Variants in TGFA observed in about 807,000 individuals in gnomAD.
TGFA encodes transforming growth factor alpha.
Under a neutral mutation model 21.7 loss-of-function variants are expected in TGFA, and 12 were observed. The ratio of observed to expected loss-of-function variants is 0.55; its 90% confidence interval spans 0.35 to 0.90. The LOEUF (loss-of-function observed/expected upper bound fraction) is 0.90. TGFA is among the 40% of genes least tolerant of loss of function. The probability of loss-of-function intolerance (pLI) is 0.01; values close to 1 mark genes in which losing one functional copy is unlikely to be tolerated. For synonymous variants in TGFA, 79 were observed against 88.1 expected, an observed-to-expected ratio of 0.90 and a Z score of 0.58; for missense variants, 178 against 210.8, an observed-to-expected ratio of 0.84 and a Z score of 0.96.
At chr2:70,519,964 A>C (rs1672397859) in intron 1 of TGFA, among the ~76,000 whole-genome samples, 1 of 152,204 alleles carries the variant, frequency 6.6e-6, no homozygotes, top group African/African-American at 2.4e-5. Context: ...TGGCTCTATT[A>C]TGTACCCTTG....
chr2:70,512,430 C>G (rs1158611295), intron 2 of TGFA, among the ~76,000 whole-genome samples: 1 of 152,196 alleles, frequency 6.6e-6, no homozygotes, highest in Non-Finnish European at 1.5e-5. Flanking sequence ...GAAGGTGTGG[C>G]ACTGCCTCTG....
intron 1 of TGFA, among the ~76,000 whole-genome samples, chr2:70,552,633 G>A (rs1307058538): frequency 2.0e-5 from 3 of 152,172 alleles, no homozygotes; most frequent in Non-Finnish European, 4.4e-5. Context: ...TTTAATCAGC[G>A]TTTCTAGGGC....
chr2:70,546,253 G>A (rs113032392), intron 1 of TGFA, among the ~76,000 whole-genome samples: 4 of 60,734 alleles, frequency 6.6e-5, no homozygotes, highest in Non-Finnish European at 1.1e-4. Flanking sequence ...CAAGACACTG[G>A]AACCTGCCCT....
intron 2 of TGFA, chr2:70,467,660 T>TG (rs1476036730): frequency 6.6e-6 from 1 of 151,974 alleles, no homozygotes; most frequent in Non-Finnish European, 1.5e-5. Context: ...TTAGTTTTTT[T>TG]GGGGAAAAAA....
At chr2:70,478,390 AACT>A (rs1671001403) in intron 2 of TGFA, among the ~76,000 whole-genome samples, 1 of 152,202 alleles carries the variant, frequency 6.6e-6, no homozygotes, top group Admixed American at 6.5e-5. Flanking sequence ...ACAGCATGGT[AACT>A]ACTATAACAT....
intron 4 of TGFA, among the ~76,000 whole-genome samples, 185 bp downstream of exon 4, chr2:70,456,154 T>C (rs561329741): frequency 6.6e-6 from 1 of 152,222 alleles, no homozygotes; most frequent in Non-Finnish European, 1.5e-5. Context: ...TGCATGAGGC[T>C]TTCATGCAGC....
At chr2:70,533,563 T>C (rs927250174) in intron 1 of TGFA, among the ~76,000 whole-genome samples, 7 of 152,220 alleles carry the variant, frequency 4.6e-5, no homozygotes. Context: ...GGTTAGTTTC[T>C]TGGCTTCTGA....
In TGFA at chr2:70,476,566, T is replaced by C. The variant is rs149171022; in HGVS notation, c.95-10830A>G. ...TCAATCCACCCTTAGGAAAAAATGC[T>C]TCCTCTTGTTGAGTCTTTGAACCAT... On this transcript the variant is annotated intron_variant, in intron 2 of 5. Coordinates refer to ENST00000295400, the MANE Select transcript of TGFA (RefSeq NM_003236.4). Among the ~76,000 whole-genome samples the C allele has an allele frequency of 2.0e-3, 299 of 152,354 alleles. 1 individual carries two copies. The highest frequency in any genetic ancestry group is 6.7e-3 in the African/African-American group (280 of 41,576).
chr2:70,500,752 C>G (rs1553499010), intron 2 of TGFA, among the ~76,000 whole-genome samples: 2 of 152,146 alleles, frequency 1.3e-5, no homozygotes, highest in African/African-American at 4.8e-5. Flanking sequence ...CCTGGGCACC[C>G]TTGCTCTGAG....
At chr2:70,489,491 C>A (rs1039605992) in intron 2 of TGFA, among the ~76,000 whole-genome samples, 3 of 152,322 alleles carry the variant, frequency 2.0e-5, no homozygotes, top group African/African-American at 7.2e-5. Flanking sequence ...GGCGGGGGCG[C>A]CCCAGTCTCC....
chr2:70,504,623 C>T (rs1236391050), intron 2 of TGFA, among the ~76,000 whole-genome samples: 1 of 151,518 alleles, frequency 6.6e-6, no homozygotes, highest in Admixed American at 6.6e-5. Context: ...TGCACATTCA[C>T]ACATATAGTT....
intron 1 of TGFA, among the ~76,000 whole-genome samples, chr2:70,518,019 T>C (rs782781821): frequency 7.2e-5 from 11 of 152,150 alleles, no homozygotes; most frequent in Non-Finnish European, 1.5e-4. Context: ...CTTGGCAGGC[T>C]CCAAGGGTCA....
intron 2 of TGFA, among the ~76,000 whole-genome samples, chr2:70,509,067 C>A (rs782223233): frequency 1.1e-4 from 16 of 152,220 alleles, no homozygotes; most frequent in Non-Finnish European, 1.9e-4. Context: ...TCTAAGCATT[C>A]TTTAAAGTAA....
chr2:70,518,590 C>T (rs1393423312), intron 1 of TGFA, among the ~76,000 whole-genome samples: 1 of 152,176 alleles, frequency 6.6e-6, no homozygotes, highest in Non-Finnish European at 1.5e-5. Flanking sequence ...AGGCTGGACA[C>T]CCCTCTCCCC....
chr2:70,545,779 G>A (rs1346975124), intron 1 of TGFA, among the ~76,000 whole-genome samples: 5 of 152,078 alleles, frequency 3.3e-5, no homozygotes, highest in African/African-American at 1.2e-4. Context: ...AAAACCTTAG[G>A]TATGTCAAAA....
At chr2:70,538,194 C>T (rs1574144919) in intron 1 of TGFA, among the ~76,000 whole-genome samples, 1 of 152,172 alleles carries the variant, frequency 6.6e-6, no homozygotes, top group East Asian at 1.9e-4. Flanking sequence ...GCATTTCTTT[C>T]AAAATGTTAC....
chr2:70,478,151 C>T (rs1430309311), intron 2 of TGFA, among the ~76,000 whole-genome samples: 1 of 152,186 alleles, frequency 6.6e-6, no homozygotes. Context: ...TCACAAACCT[C>T]TCCAGGAGTA....
chr2:70,517,606 G>A (rs531956815), intron 1 of TGFA, among the ~76,000 whole-genome samples: 3 of 152,296 alleles, frequency 2.0e-5, no homozygotes, highest in East Asian at 3.9e-4. Flanking sequence ...AAGAAACTGA[G>A]GCTTAGAGAG....
chr2:70,553,090 G>A (rs2103967736), intron 1 of TGFA: 1 of 1,331,360 alleles, frequency 7.5e-7, no homozygotes, highest in East Asian at 2.5e-5. Context: ...CTCGGTCTAG[G>A]GTTTCGCTCC....
Sources: gnomAD v4.1 joint callset for allele counts (sites outside exome capture counted in the v4.1 genomes callset) on GRCh38, gnomAD v4.1.1 for gene constraint, MANE v1.5 for transcripts, NCBI Gene and HGNC (gene_info 2026-07-23, HGNC 2026-07-21) for gene names.